The following ATP6V0D2 variants were observed in gnomAD, a reference collection of about 807,000 sequenced individuals.
The protein encoded by ATP6V0D2 is ATPase H+ transporting V0 subunit d2.
ATP6V0D2 carries 40 observed loss-of-function variants against 40.0 expected under a neutral mutation model. The ratio of observed to expected loss-of-function variants is 1.00; its 90% CI spans 0.78 to 1.30. The LOEUF (loss-of-function observed/expected upper bound fraction) is 1.30. Ranked by LOEUF, ATP6V0D2 falls within the 50% of genes most tolerant of loss-of-function variation. The probability of loss-of-function intolerance (pLI) is 0.00; values close to 1 mark genes in which losing one functional copy is unlikely to be tolerated. For synonymous variants in ATP6V0D2, 179 were observed against 156.3 expected, an observed-to-expected ratio of 1.15 and a Z score of -1.08; for missense variants, 470 against 423.1, an observed-to-expected ratio of 1.11 and a Z score of -0.97.
At chr8:86,101,845 A>C (rs1318292781) in intron 1 of ATP6V0D2, among the ~76,000 whole-genome samples, 1 of 152,064 alleles carries the variant, frequency 6.6e-6, no homozygotes, top group Non-Finnish European at 1.5e-5. Flanking sequence ...ATTGTGTCTC[A>C]TGATTTCTAA....
At chr8:86,118,938 G>A (rs1818631815) in intron 2 of ATP6V0D2, among the ~76,000 whole-genome samples, 2 of 152,056 alleles carry the variant, frequency 1.3e-5, no homozygotes, top group South Asian at 4.2e-4. Context: ...AACGAGCGGT[G>A]GAGTCATGAT....
intron 1 of ATP6V0D2, among the ~76,000 whole-genome samples, chr8:86,108,317 T>C (rs1763603851): frequency 1.3e-5 from 2 of 152,090 alleles, no homozygotes; most frequent in Admixed American, 1.3e-4. Flanking sequence ...ACTTTTTTTT[T>C]CTTTTGTAGA....
At position 86,106,365 on chromosome 8, in the gene ATP6V0D2, T is replaced by C. The variant is rs1270830595; in HGVS notation, c.130+7257T>C. ...CCAGGCTGGTCTTGAACTCCTGGCC[T>C]CAAACAATCCTCCTGCTTCAGCCTC... On this transcript the variant is annotated intron_variant, in intron 1 of 7. Transcript: ENST00000285393. Among the ~76,000 whole-genome samples the C allele has an allele frequency of 2.0e-5, 3 of 152,048 alleles. No homozygotes were observed. The East Asian group carries it at 5.8e-4, about 30-fold the overall frequency.
intron 2 of ATP6V0D2, among the ~76,000 whole-genome samples, chr8:86,134,005 C>T (rs1818863701): frequency 6.6e-6 from 1 of 152,004 alleles, no homozygotes; most frequent in African/African-American, 2.4e-5. Flanking sequence ...CCAATGAAAT[C>T]CAGGCCAAGA....
intron 2 of ATP6V0D2, among the ~76,000 whole-genome samples, chr8:86,119,232 C>CTTTTTTTT (rs35945978): frequency 7.9e-6 from 1 of 125,962 alleles, no homozygotes; most frequent in Non-Finnish European, 1.6e-5. Flanking sequence ...ATCATAGGAT[C>CTTTTTTTT]TTTTTTTTTT....
chr8:86,131,257 T>A (rs1447601985), intron 2 of ATP6V0D2, among the ~76,000 whole-genome samples: 1 of 152,160 alleles, frequency 6.6e-6, no homozygotes, highest in Non-Finnish European at 1.5e-5. Flanking sequence ...TGGAGTTCAG[T>A]GGTGCAATCT....
chr8:86,137,687 CCTAA>C (rs1418627138), intron 2 of ATP6V0D2, among the ~76,000 whole-genome samples: 27 of 152,192 alleles, frequency 1.8e-4, no homozygotes, highest in Admixed American at 1.3e-3. Context: ...GGCTCTATAA[CCTAA>C]CTGTCAAGCC....
intron 1 of ATP6V0D2, among the ~76,000 whole-genome samples, chr8:86,112,853 T>A (rs1169711988): frequency 6.6e-6 from 1 of 152,152 alleles, no homozygotes; most frequent in Non-Finnish European, 1.5e-5. Context: ...TGCTGGGTTA[T>A]AAGAATAAGG....
chr8:86,114,585 G>T (rs1253901049), intron 2 of ATP6V0D2, among the ~76,000 whole-genome samples: 2 of 152,168 alleles, frequency 1.3e-5, no homozygotes, highest in East Asian at 3.8e-4. Context: ...CAGAAGAATC[G>T]CTTAAAGCCG....
chr8:86,145,131 G>C (rs1819029739), intron 5 of ATP6V0D2, among the ~76,000 whole-genome samples: 1 of 149,938 alleles, frequency 6.7e-6, no homozygotes, highest in East Asian at 2.0e-4. Context: ...TCGTGCCACT[G>C]CTCTCCAGCT....
chr8:86,105,005 C>G (rs145036393), intron 1 of ATP6V0D2, among the ~76,000 whole-genome samples: 1 of 152,122 alleles, frequency 6.6e-6, no homozygotes, highest in Non-Finnish European at 1.5e-5. Context: ...AATTCCATCC[C>G]TTATCCCATG....
At position 86,150,156 on chromosome 8, in the gene ATP6V0D2, TGGCACTGAA is replaced by T. The variant is rs749558578; in HGVS notation, c.685_693del (p.Gly229_Glu231del). 1.9e-6 allele frequency: 3 copies of T among 1,613,728 alleles called. No individual in the cohort carries two copies. Among genetic ancestry groups the T allele is most frequent in the Non-Finnish European group, 2.5e-6 (3 of 1,179,914 alleles). On this transcript the variant is annotated inframe_deletion, in exon 6 of 8. Transcript: ENST00000285393. ...CTTTTATCATCACTCTTAACTCCTTTGGCACTGAATTGAGCAAAGAAGACCGAGAGACCC... is the reference window on the plus strand; with the variant it reads ...CTTTTATCATCACTCTTAACTCCTTTTTGAGCAAAGAAGACCGAGAGACCC...
intron 5 of ATP6V0D2, among the ~76,000 whole-genome samples, chr8:86,147,179 C>G (rs1261828012): frequency 6.6e-6 from 1 of 152,096 alleles, no homozygotes; most frequent in African/African-American, 2.4e-5. Flanking sequence ...GGGCTCCATT[C>G]CAGTTCACTT....
chr8:86,117,587 T>G (rs1818606470), intron 2 of ATP6V0D2, among the ~76,000 whole-genome samples: 1 of 152,206 alleles, frequency 6.6e-6, no homozygotes, highest in Non-Finnish European at 1.5e-5. Context: ...GTTAGGATAA[T>G]TCCTTCCATG....
At chr8:86,147,764 T>C (rs1052732327) in intron 5 of ATP6V0D2, among the ~76,000 whole-genome samples, 2 of 152,050 alleles carry the variant, frequency 1.3e-5, no homozygotes, top group African/African-American at 4.8e-5. Context: ...AAAGATGACA[T>C]TTGATGGGAC....
intron 1 of ATP6V0D2, among the ~76,000 whole-genome samples, chr8:86,104,557 C>T (rs1475343874): frequency 6.6e-6 from 1 of 151,958 alleles, no homozygotes; most frequent in East Asian, 1.9e-4. Context: ...GATTACCTAG[C>T]TACAAAGAAA....
chr8:86,099,936 G>T (rs965867967), intron 1 of ATP6V0D2, among the ~76,000 whole-genome samples: 21 of 151,466 alleles, frequency 1.4e-4, no homozygotes, highest in African/African-American at 5.1e-4. Context: ...CTATGACAAA[G>T]AAAAAATATA....
At chr8:86,143,806 G>A (rs1819009578) in intron 5 of ATP6V0D2, among the ~76,000 whole-genome samples, 1 of 152,212 alleles carries the variant, frequency 6.6e-6, no homozygotes, top group East Asian at 1.9e-4. Context: ...GAGTTGCTCT[G>A]GTTCAAATGC....
intron 2 of ATP6V0D2, among the ~76,000 whole-genome samples, chr8:86,121,604 G>GGAGGAT (rs142380604): frequency 0.14 from 20,412 of 141,186 alleles, 2,496 homozygotes; most frequent in African/African-American, 0.17. Flanking sequence ...AGGAGGAGGA[G>GGAGGAT]GAGGAGGAGG....
Sources: allele counts gnomAD v4.1 joint callset (sites outside exome capture counted in the v4.1 genomes callset), GRCh38; gene constraint gnomAD v4.1.1; transcripts MANE v1.5; gene names NCBI Gene and HGNC (gene_info 2026-07-23, HGNC 2026-07-21).